The following KIF15 variants were observed in gnomAD, a reference collection of about 807,000 sequenced individuals.
KIF15 encodes kinesin-like protein KIF15.
In KIF15, 140 loss-of-function variants were observed where a neutral mutation model predicts 190.6. The observed-to-expected ratio is 0.73, with a 90% CI of 0.64 to 0.84. The LOEUF (loss-of-function observed/expected upper bound fraction) is 0.84, where lower values mean the gene tolerates loss of function less well. Among genes scored for constraint, KIF15 ranks in the 40% least tolerant of loss-of-function variants. KIF15 has a pLI of 0.00. For missense variants in KIF15, 1,372 were observed against 1,584.4 expected, an observed-to-expected ratio of 0.87 and a Z score of 2.28; for synonymous variants, 528 against 551.3, an observed-to-expected ratio of 0.96 and a Z score of 0.59.
chr3:44,766,807 CTTTTTTTTTTT>C (rs766382105), intron 1 of KIF15, among the ~76,000 whole-genome samples: 3 of 118,534 alleles, frequency 2.5e-5, no homozygotes, highest in East Asian at 4.9e-4. Context: ...TTCTTTCTTT[CTTTTTTTTTTT>C]TTTTTTTTTT....
At chr3:44,773,544 G>C (rs1160236084) in intron 1 of KIF15, among the ~76,000 whole-genome samples, 2 of 152,322 alleles carry the variant, frequency 1.3e-5, no homozygotes, top group Middle Eastern at 3.4e-3. Context: ...TAGAAGAAAA[G>C]ATAGGTGCCA....
At chr3:44,821,450 T>C (rs546160739) in intron 20 of KIF15, among the ~76,000 whole-genome samples, 2,725 of 122,506 alleles carry the variant, frequency 0.022, 74 homozygotes, top group African/African-American at 0.08. Context: ...CAGACGGGGT[T>C]GCGGCCGGGT....
At chr3:44,816,451 T>C (rs1228881471) in intron 20 of KIF15, among the ~76,000 whole-genome samples, 1 of 150,238 alleles carries the variant, frequency 6.7e-6, no homozygotes, top group African/African-American at 2.5e-5. Flanking sequence ...CCACGTGTTC[T>C]CATTGTTCAG....
chr3:44,836,539 A>G (rs533390154), intron 26 of KIF15, among the ~76,000 whole-genome samples: 19 of 152,296 alleles, frequency 1.2e-4, no homozygotes, highest in African/African-American at 4.6e-4. Context: ...GCAACTGATG[A>G]CAAAGTATTT....
chr3:44,852,651 T>A, intron 34 of KIF15, 22 bp from the exon 35 acceptor site: 1 of 1,546,374 alleles, frequency 6.5e-7, no homozygotes, highest in Non-Finnish European at 8.7e-7. Context: ...TTTTTTCTTT[T>A]TGTTTTTTTA....
At chr3:44,818,939 C>T (rs1370952357) in intron 20 of KIF15, among the ~76,000 whole-genome samples, 2 of 152,164 alleles carry the variant, frequency 1.3e-5, no homozygotes, top group Non-Finnish European at 2.9e-5. Context: ...TTGGTGTATT[C>T]AGAGATTCAG....
intron 1 of KIF15, among the ~76,000 whole-genome samples, chr3:44,762,649 A>C (rs1705202042): frequency 6.6e-6 from 1 of 152,174 alleles, no homozygotes; most frequent in Non-Finnish European, 1.5e-5. Flanking sequence ...CCTGGATTAG[A>C]TGATTAAGAA....
At chr3:44,861,948 G>T in intron 6 of KIF15, 1 of 1,408,296 alleles carries the variant, frequency 7.1e-7, no homozygotes. Flanking sequence ...CGGGGCCTCC[G>T]GGCGGCGCCG....
At chr3:44,820,470 TGGTTTTCCTAGGCGGAGGACCCTGC>T (rs1443395297) in intron 20 of KIF15, among the ~76,000 whole-genome samples, 5 of 152,140 alleles carry the variant, frequency 3.3e-5, no homozygotes, top group African/African-American at 1.2e-4. Context: ...CAAAGGTCTC[TGGTTTTCCTAGGCGGAGGACCCTGC>T]GGCCTTCCGC....
chr3:44,862,130 C>CGCTGTTGGT (rs745529158), intron 6 of KIF15: 219 of 445,658 alleles, frequency 4.9e-4, no homozygotes, highest in African/African-American at 4.1e-3. Context: ...GAGCCCGGGG[C>CGCTGTTGGT]GCTGTTGGTG....
chr3:44,852,461 TA>T (rs375038429), intron 34 of KIF15, 122 bp downstream of exon 34: 183,595 of 763,360 alleles, frequency 0.24, 3 homozygotes, highest in East Asian at 0.29. Context: ...CTTCCTGAAT[TA>T]AAAAAAAAAA....
intron 1 of KIF15, among the ~76,000 whole-genome samples, chr3:44,767,354 G>T (rs556915952): frequency 1.3e-5 from 2 of 152,224 alleles, no homozygotes; most frequent in Admixed American, 1.3e-4. Context: ...TTGTTGGATT[G>T]TGGGTATATT....
chr3:44,801,014 T>G (rs911330696), intron 11 of KIF15, among the ~76,000 whole-genome samples: 5 of 151,552 alleles, frequency 3.3e-5, no homozygotes, highest in South Asian at 2.1e-4. Flanking sequence ...TCTCATTGTT[T>G]TTTTTTTTTT....
intron 30 of KIF15, among the ~76,000 whole-genome samples, chr3:44,843,682 ATC>A (rs920132645): frequency 7.2e-5 from 11 of 152,298 alleles, no homozygotes; most frequent in African/African-American, 2.6e-4. Context: ...GGATTTAGAC[ATC>A]TCTCTGAGTG....
chr3:44,780,893 C>G lies in KIF15; in HGVS notation c.332C>G (p.Thr111Ser). The change falls in exon 5 of 35, where the codon ACT (threonine) becomes AGT (serine). Residue 111 changes from threonine (T) to serine (S), a missense_variant. Coordinates refer to ENST00000326047, the MANE Select transcript of KIF15 (RefSeq NM_020242.3). ...TAAAACATTTTTTACAGTGGACAGA[C>G]TGGCTCAGGGAAGACATTTACTATG... The part of the protein sequence containing the change: ...YNGTIFAYGQ[T>S]GSGKTFTMMG... 2.5e-6 allele frequency: 4 copies of G among 1,599,972 alleles called. No individual in the cohort carries two copies. Among genetic ancestry groups the G allele is most frequent in the Non-Finnish European group, 3.4e-6 (4 of 1,170,076 alleles).
intron 1 of KIF15, among the ~76,000 whole-genome samples, chr3:44,768,587 T>C (rs913761755): frequency 1.3e-5 from 2 of 152,176 alleles, no homozygotes; most frequent in Non-Finnish European, 2.9e-5. Context: ...ACTGCGCATG[T>C]GTTAAGGGAC....
rs1225337076 is a variant in KIF15, at chr3:44,829,534, T to TATGCATATAATACGC, written c.2944-437_2944-436insATGCATATAATACGC. Among the ~76,000 whole-genome samples the TATGCATATAATACGC allele has an allele frequency of 2.7e-3, 336 of 124,320 alleles. 11 individuals are homozygous for TATGCATATAATACGC. The highest frequency in any genetic ancestry group is 9.4e-3 in the African/African-American group (305 of 32,350). 81.6% of individuals were successfully genotyped at this position (124,320 alleles called of 152,430 possible). On this transcript the variant is annotated intron_variant, in intron 24 of 34. Coordinates refer to ENST00000326047, the MANE Select transcript of KIF15 (RefSeq NM_020242.3). ...GCATATATATTATATGTATATAATA[T>TATGCATATAATACGC]GTATATATTATATATGTATATATTA...
chr3:44,852,185 C>G (rs1406814067), intron 33 of KIF15, 23 bp from the exon 34 acceptor site: 3 of 1,588,824 alleles, frequency 1.9e-6, no homozygotes. Context: ...TCATTTTTCC[C>G]TCCTTGGATT....
At chr3:44,827,019 T>C (rs761874834) in intron 22 of KIF15, 2 of 456,830 alleles carry the variant, frequency 4.4e-6, no homozygotes, top group Non-Finnish European at 4.4e-6. Context: ...GTGGTGAACG[T>C]AGAGCTTACA....
Sources: gnomAD v4.1 joint callset for allele counts (sites outside exome capture counted in the v4.1 genomes callset) on GRCh38, gnomAD v4.1.1 for gene constraint, MANE v1.5 for transcripts, NCBI Gene and HGNC (gene_info 2026-07-23, HGNC 2026-07-21) for gene names.